OTOF: variants seen among roughly 807,000 people sequenced by gnomAD.
OTOF encodes fer-1-like family member 2.
In OTOF, 218 loss-of-function variants were observed where a neutral mutation model predicts 236.8. The ratio of observed to expected loss-of-function variants is 0.92; its 90% CI spans 0.82 to 1.03. The LOEUF (loss-of-function observed/expected upper bound fraction) is 1.03. Ranked by LOEUF, OTOF falls within the 50% of genes least tolerant of loss-of-function variation. The pLI is 0.00. For missense variants in OTOF, 2,590 were observed against 2,694.4 expected (o/e 0.96, Z 0.86); for synonymous variants, 1,041 against 1,072.5 (o/e 0.97, Z 0.57).
In OTOF at chr2:26,539,716, C is replaced by CT. The variant is rs1667165078; in HGVS notation, c.80-1943dup. Reference sequence around the variant, plus strand: ...CGCCATTGCACTCCAGCCTGGGCAACTAGTGAAACTCCATCTCAAAAAAGT... The same window carrying CT: ...CGCCATTGCACTCCAGCCTGGGCAACTTAGTGAAACTCCATCTCAAAAAAGT... On this transcript the variant is annotated intron_variant, in intron 1 of 46. Transcript: ENST00000272371. Among the ~76,000 whole-genome samples, 3 of 152,224 alleles carry CT rather than the reference C, an allele frequency of 2.0e-5. No individual in the cohort carries two copies. The South Asian group carries it at 6.2e-4, about 32-fold the overall frequency.
chr2:26,502,933 T>TG (rs370557083), intron 6 of OTOF, among the ~76,000 whole-genome samples: 7 of 152,352 alleles, frequency 4.6e-5, no homozygotes, highest in African/African-American at 1.2e-4. Flanking sequence ...CAGAACCTAA[T>TG]GCATTGGTGT....
chr2:26,519,015 T>G lies in OTOF; in HGVS notation c.322A>C (p.Ile108Leu). Residue 108 changes from isoleucine to leucine, a missense_variant, in exon 4 of 47, where the codon ATC becomes CTC. This residue lies in a region of OTOF where 1,379 missense variants were observed against 1,341.6 expected (regional missense o/e 1.03). Transcript: ENST00000272371. Reference sequence around the variant, plus strand: ...ACTCCGTGGGGCATACCCACCTTGATGATAGCATTGTTGTCATCAATCAGC... The same window carrying G: ...ACTCCGTGGGGCATACCCACCTTGAGGATAGCATTGTTGTCATCAATCAGC... ...DTLIDDNNAI[I>L]KTSLCVEVRY... is the part of the protein sequence containing the mutation. 2 of 1,606,180 alleles carry G rather than the reference T, an allele frequency of 1.2e-6. No individual in the cohort carries two copies. Among genetic ancestry groups the G allele is most frequent in the African/African-American group, 1.3e-5 (1 of 74,992 alleles).
intron 3 of OTOF, among the ~76,000 whole-genome samples, chr2:26,522,006 G>A (rs568278800): frequency 6.6e-6 from 1 of 152,218 alleles, no homozygotes; most frequent in South Asian, 2.1e-4. Flanking sequence ...CTCCTTTGCA[G>A]GATGGGCTTC....
chr2:26,506,672 A>T (rs192312711), intron 5 of OTOF, among the ~76,000 whole-genome samples: 1 of 152,358 alleles, frequency 6.6e-6, no homozygotes, highest in East Asian at 1.9e-4. Context: ...TAACACAAAC[A>T]GATTTGAAAG....
chr2:26,541,926 A>C (rs971764945), intron 1 of OTOF, among the ~76,000 whole-genome samples: 1 of 152,206 alleles, frequency 6.6e-6, no homozygotes, highest in African/African-American at 2.4e-5. Context: ...TGCTCCTGGG[A>C]TAGCTGAGCT....
chr2:26,539,548 C>T (rs1485648316), intron 1 of OTOF, among the ~76,000 whole-genome samples: 1 of 152,152 alleles, frequency 6.6e-6, no homozygotes, highest in Admixed American at 6.5e-5. Flanking sequence ...CCTGCTTGAC[C>T]AACATGGAGA....
chr2:26,464,575 A>G (rs1238359869), intron 39 of OTOF, among the ~76,000 whole-genome samples: 1 of 152,026 alleles, frequency 6.6e-6, no homozygotes, highest in African/African-American at 2.4e-5. Flanking sequence ...GAGTCACTAG[A>G]AGTAGGATCT....
chr2:26,482,719 G>A, intron 13 of OTOF, 127 bp from the exon 14 acceptor site: 1 of 747,552 alleles, frequency 1.3e-6, no homozygotes, highest in Non-Finnish European at 2.2e-6. Flanking sequence ...GGGTGTGCAT[G>A]CGTGTGTGAG....
At chr2:26,543,442 C>CT (rs1667254124) in intron 1 of OTOF, among the ~76,000 whole-genome samples, 1 of 152,142 alleles carries the variant, frequency 6.6e-6, no homozygotes, top group Non-Finnish European at 1.5e-5. Flanking sequence ...GTGGGAAAGT[C>CT]TAAGTAAAGC....
chr2:26,519,633 G>T (rs1271941983), intron 3 of OTOF, among the ~76,000 whole-genome samples: 3 of 152,226 alleles, frequency 2.0e-5, no homozygotes, highest in Admixed American at 1.3e-4. Context: ...CACAGCAGGG[G>T]AGAGGCGGTG....
At chr2:26,499,413 G>T (rs1666065267) in intron 8 of OTOF, among the ~76,000 whole-genome samples, 1 of 152,154 alleles carries the variant, frequency 6.6e-6, no homozygotes, top group African/African-American at 2.4e-5. Context: ...CACCAACGAG[G>T]TGTCCTTCCT....
At chr2:26,480,070 T>C (rs1665489149) in intron 16 of OTOF, 133 bp downstream of exon 16, 12 of 702,948 alleles carry the variant, frequency 1.7e-5, no homozygotes, top group South Asian at 1.5e-4. Flanking sequence ...GGGAAAGGGG[T>C]CAACGTTCCC....
At chr2:26,503,725 G>T (rs1435519736) in intron 6 of OTOF, 47 bp downstream of exon 6, 1 of 1,547,376 alleles carries the variant, frequency 6.5e-7, no homozygotes, top group Admixed American at 1.7e-5. Context: ...CGGCGGGAGG[G>T]CGCCGCGAGG....
In OTOF at chr2:26,466,681, A is replaced by G. The variant is rs770752118; in HGVS notation, c.4500+33T>C. 6.8e-6 allele frequency: 11 copies of G among 1,612,678 alleles called. No homozygotes were observed. In the South Asian group the frequency reaches 1.1e-4, roughly 16 times the overall value. On this transcript the variant is annotated intron_variant, in intron 36 of 46. Coordinates refer to ENST00000272371, the MANE Select transcript of OTOF (RefSeq NM_194248.3). ...CTCTCCCAGATGGGAGGATGAGGAGACTTGCAAGGAGGGAAAGCGACGGGA... is the reference window on the plus strand; with the variant it reads ...CTCTCCCAGATGGGAGGATGAGGAGGCTTGCAAGGAGGGAAAGCGACGGGA...
At chr2:26,509,359 G>A (rs79448589) in intron 5 of OTOF, among the ~76,000 whole-genome samples, 3,607 of 152,242 alleles carry the variant, frequency 0.024, 133 homozygotes, top group African/African-American at 0.083. Context: ...CTCTGCCTAC[G>A]TGTCTTCCCT....
intron 15 of OTOF, 142 bp from the exon 16 acceptor site, chr2:26,480,453 C>T: frequency 1.4e-6 from 1 of 702,976 alleles, no homozygotes; most frequent in Non-Finnish European, 2.6e-6. Flanking sequence ...GCAGCCCACA[C>T]CCCAACGGCC....
At chr2:26,482,625 G>A (rs1451977776) in intron 13 of OTOF, 33 bp from the exon 14 acceptor site, 2 of 1,591,568 alleles carry the variant, frequency 1.3e-6, no homozygotes, top group South Asian at 1.1e-5. Context: ...TGAGGGCGTG[G>A]CATGTGTGTG....
At chr2:26,523,011 A>T (rs1433727252) in intron 3 of OTOF, among the ~76,000 whole-genome samples, 2 of 152,230 alleles carry the variant, frequency 1.3e-5, no homozygotes, top group African/African-American at 4.8e-5. Flanking sequence ...CCACAGACTG[A>T]TCACAATAGA....
chr2:26,465,320 A>G (rs1177698870), intron 38 of OTOF, among the ~76,000 whole-genome samples: 2 of 152,116 alleles, frequency 1.3e-5, no homozygotes, highest in Non-Finnish European at 2.9e-5. Flanking sequence ...GAAACTGAAA[A>G]CCAGAGAGGT....
Sources: gnomAD v4.1 joint callset for allele counts (sites outside exome capture counted in the v4.1 genomes callset) on GRCh38, gnomAD v4.1.1 for gene constraint, gnomAD v4.1.1 regional missense constraint, MANE v1.5 for transcripts, NCBI Gene and HGNC (gene_info 2026-07-23, HGNC 2026-07-21) for gene names.